Variants in CCZ1 observed in about 807,000 individuals in gnomAD.
CCZ1 encodes the protein CCZ1 vacuolar protein trafficking and biogenesis associated.
In CCZ1, 19 loss-of-function variants were observed where a neutral mutation model predicts 57.8. That is an observed-to-expected ratio of 0.33 (90% CI 0.23 to 0.48). The LOEUF (loss-of-function observed/expected upper bound fraction) is 0.48, where lower values mean the gene tolerates loss of function less well. CCZ1 is among the 20% of genes least tolerant of loss of function. CCZ1 has a pLI of 0.99. For missense variants in CCZ1, 200 were observed against 492.0 expected (o/e 0.41, Z 5.61); for synonymous variants, 81 against 167.0 (o/e 0.49, Z 3.97).
At position 5,902,703 on chromosome 7, in the gene CCZ1, G is replaced by A. The variant is rs370696879; in HGVS notation, c.481G>A (p.Val161Ile). 2.5e-6 allele frequency: 4 copies of A among 1,591,274 alleles called. No individual in the cohort carries two copies. The highest frequency in any genetic ancestry group is 1.2e-5 in the South Asian group (1 of 85,056). ...TFLKAMEDGG[V>I]KLLKERLEKF... ...TCTGAAAGCCATGGAAGACGGAGGC[G>A]TCAAGCTTCTGAAAGAAAGATTAGA... is the stretch of plus-strand genomic sequence containing the variant. Residue 161 changes from valine (V) to isoleucine (I), a missense_variant, in exon 6 of 15, where the codon GTC (valine) becomes ATC (isoleucine). Physicochemically the swap from Val to Ile is conservative, Grantham distance 29. Coordinates refer to ENST00000325974, the MANE Select transcript of CCZ1 (RefSeq NM_015622.6).
In CCZ1 at chr7:5,908,575, T is replaced by G. The variant is rs1781890852; in HGVS notation, c.699-1460T>G. On this transcript the variant is annotated intron_variant, in intron 7 of 14. Transcript: ENST00000325974. The stretch of plus-strand genomic sequence containing the variant: ...TATATTTTTTAGTAGAGACGGTGTT[T>G]CGCCATGTTGGCCAGGCTGGTGTTG... Among the ~76,000 whole-genome samples the G allele has an allele frequency of 1.4e-5, 2 of 147,580 alleles. 1 individual carries two copies. Among genetic ancestry groups the G allele is most frequent in the Non-Finnish European group, 3.0e-5 (2 of 67,356 alleles).
rs1779372429 is a variant in CCZ1 at position 5,925,980 on chromosome 7, G to A, written c.*293G>A. The A allele has an allele frequency of 1.9e-6, 1 of 535,306 alleles. No homozygotes were observed. The highest frequency in any genetic ancestry group is 3.4e-6 in the Non-Finnish European group (1 of 291,682). 33.2% of individuals were successfully genotyped at this position (535,306 alleles called of 1,614,324 possible). The stretch of plus-strand genomic sequence containing the variant: ...ATTGTTAAAAGTTTTTAAAATTCTG[G>A]TTTGGTGTTGAGTCTCTCTCCTGCT... On this transcript the variant is annotated 3_prime_UTR_variant, in exon 15 of 15. Coordinates refer to ENST00000325974, the MANE Select transcript of CCZ1 (RefSeq NM_015622.6).
At chr7:5,909,983 A>G (rs1781931922) in intron 7 of CCZ1, 52 bp from the exon 8 acceptor site, 3 of 1,529,832 alleles carry the variant, frequency 2.0e-6, no homozygotes, top group Admixed American at 1.9e-5. Flanking sequence ...CAGCAGTGGA[A>G]AGACAGAAGA....
At chr7:5,922,462 GGCCTCTGA>G (rs1779259539) in intron 12 of CCZ1, among the ~76,000 whole-genome samples, 1 of 124,896 alleles carries the variant, frequency 8.0e-6, no homozygotes, top group African/African-American at 3.2e-5. Flanking sequence ...AAGCAGAGGA[GGCCTCTGA>G]GCCCAGGGGC....
intron 8 of CCZ1, among the ~76,000 whole-genome samples, chr7:5,910,698 G>GTATTC (rs1554282241): frequency 2.5e-5 from 3 of 120,068 alleles, no homozygotes; most frequent in Non-Finnish European, 5.1e-5. Flanking sequence ...TTTAATTTAT[G>GTATTC]TATTTTATTT....
At chr7:5,911,201 C>T (rs1781971036) in intron 8 of CCZ1, among the ~76,000 whole-genome samples, 1 of 149,188 alleles carries the variant, frequency 6.7e-6, no homozygotes, top group African/African-American at 2.5e-5. Flanking sequence ...TCCCGGTTTC[C>T]TGCAGAGAAC....
intron 5 of CCZ1, 196 bp downstream of exon 5, chr7:5,901,900 C>T (rs1781693673): frequency 7.6e-6 from 4 of 527,218 alleles, no homozygotes; most frequent in Admixed American, 3.2e-5. Flanking sequence ...GAACTCCCTT[C>T]TCTTTTCTCA....
chr7:5,910,769 C>T (rs1228626767), intron 8 of CCZ1, among the ~76,000 whole-genome samples: 1 of 142,244 alleles, frequency 7.0e-6, no homozygotes, highest in Non-Finnish European at 1.5e-5. Context: ...GAGTTTTGTT[C>T]TTTTCGCCCA....
chr7:5,920,723 C>T (rs1207702927), intron 12 of CCZ1, among the ~76,000 whole-genome samples: 3 of 135,800 alleles, frequency 2.2e-5, no homozygotes, highest in Non-Finnish European at 4.9e-5. Context: ...CCACCTGCCT[C>T]AGCCTCCCAA....
intron 1 of CCZ1, among the ~76,000 whole-genome samples, chr7:5,899,201 TTTG>T (rs1173613259): frequency 1.1e-5 from 1 of 89,448 alleles, no homozygotes; most frequent in African/African-American, 4.3e-5. Flanking sequence ...TGAACTTGGC[TTTG>T]TTAAGTGGGT....
chr7:5,909,472 C>T (rs1781915774), intron 7 of CCZ1, among the ~76,000 whole-genome samples: 2 of 149,450 alleles, frequency 1.3e-5, no homozygotes, highest in African/African-American at 2.5e-5. Flanking sequence ...GAGGCTGAGG[C>T]GGGAGCACTG....
At chr7:5,903,087 A>G (rs1781721929) in intron 6 of CCZ1, among the ~76,000 whole-genome samples, 1 of 148,744 alleles carries the variant, frequency 6.7e-6, no homozygotes, top group Admixed American at 6.6e-5. Flanking sequence ...TTGATAAGGA[A>G]AACTTAATTA....
intron 7 of CCZ1, 34 bp downstream of exon 7, chr7:5,905,303 G>C (rs1335392479): frequency 8.0e-7 from 1 of 1,250,982 alleles, no homozygotes; most frequent in African/African-American, 1.7e-5. Flanking sequence ...ATTAAAAGAA[G>C]AAATTAAGAT....
Position 5,907,001 on chromosome 7 carries a change from G to A in CCZ1, c.698+1732G>A, listed in dbSNP as rs373609553. On this transcript the variant is annotated intron_variant, in intron 7 of 14. Transcript: ENST00000325974. ...TCCTGCCTCAGCCTCCCGAGTAGCT[G>A]GGATTACAGGTGCATACCACAACAC... Among the ~76,000 whole-genome samples, 35 of 148,924 alleles carry A rather than the reference G, an allele frequency of 2.4e-4. 2 individuals carry two copies. Among genetic ancestry groups the A allele is most frequent in the African/African-American group, 8.0e-4 (32 of 40,244 alleles).
chr7:5,921,170 C>T (rs1291344011), intron 12 of CCZ1, among the ~76,000 whole-genome samples: 3 of 132,224 alleles, frequency 2.3e-5, no homozygotes, highest in Admixed American at 1.5e-4. Flanking sequence ...ACCTCGTGAT[C>T]CACCCACTTC....
chr7:5,908,235 C>T (rs1415651159), intron 7 of CCZ1, among the ~76,000 whole-genome samples: 1 of 140,720 alleles, frequency 7.1e-6, no homozygotes, highest in East Asian at 2.4e-4. Context: ...GAGGAGGAGG[C>T]AGAAGGATCG....
In CCZ1 at chr7:5,903,638, A is replaced by G. The variant is rs144518295; in HGVS notation, c.522+894A>G. On this transcript the variant is annotated intron_variant, in intron 6 of 14. Coordinates refer to ENST00000325974, the MANE Select transcript of CCZ1 (RefSeq NM_015622.6). Reference sequence around the variant, plus strand: ...TCTTGTCCTCATTTCTCTCTTACCCATCAACATATGGATAGAACTGTTGTC... The same window carrying G: ...TCTTGTCCTCATTTCTCTCTTACCCGTCAACATATGGATAGAACTGTTGTC... Among the ~76,000 whole-genome samples the G allele has an allele frequency of 3.4e-3, 480 of 140,062 alleles. 7 individuals are homozygous for G. Among genetic ancestry groups the G allele is most frequent in the African/African-American group, 0.012 (445 of 35,866 alleles). 91.9% of individuals were successfully genotyped at this position (140,062 alleles called of 152,430 possible). A position where few individuals can be genotyped will look rare whatever the true frequency, so the allele number is the denominator to read the frequency against.
intron 6 of CCZ1, among the ~76,000 whole-genome samples, chr7:5,903,856 G>T (rs1407646341): frequency 1.4e-5 from 2 of 145,468 alleles, no homozygotes; most frequent in Non-Finnish European, 1.5e-5. Context: ...CTAGCTGGGC[G>T]TGGTGGCGCA....
chr7:5,904,992 T>G, intron 6 of CCZ1, 102 bp from the exon 7 acceptor site: 1 of 1,229,362 alleles, frequency 8.1e-7, no homozygotes, highest in Admixed American at 2.1e-5. Context: ...TATGTAATTG[T>G]ACCATAAATG....
Sources: allele counts gnomAD v4.1 joint callset (sites outside exome capture counted in the v4.1 genomes callset), GRCh38; gene constraint gnomAD v4.1.1; transcripts MANE v1.5; gene names NCBI Gene and HGNC (gene_info 2026-07-23, HGNC 2026-07-21).